The following RYR3 variants were observed in gnomAD, a reference collection of about 807,000 sequenced individuals.
RYR3 encodes brain ryanodine receptor-calcium release channel.
Under a neutral mutation model 584.3 loss-of-function variants are expected in RYR3, and 207 were observed. That is an observed-to-expected ratio of 0.35 (90% CI 0.32 to 0.40). RYR3 has a LOEUF of 0.40. Ranked by LOEUF, RYR3 falls within the 10% of genes least tolerant of loss-of-function variation. RYR3 has a pLI of 1.00. For missense variants in RYR3, 5,616 were observed against 6,089.2 expected (o/e 0.92, Z 2.59); for synonymous variants, 2,416 against 2,248.5 (o/e 1.07, Z -2.11).
chr15:33,699,728 A>G lies in RYR3; in HGVS notation c.6274A>G (p.Ser2092Gly). ...GATTGCATTTCCAAAGATGGTTGCT[A>G]GCTGCTGCCGTTTCCTTTGCTATTT... ...SQIAFPKMVA[S>G]CCRFLCYFCR... Residue 2092 changes from serine (S) to glycine (G), a missense_variant, in exon 41 of 104, where the codon AGC (serine) becomes GGC (glycine). Transcript: ENST00000634891. 1 of 1,613,784 alleles carries G rather than the reference A, an allele frequency of 6.2e-7. No individual in the cohort carries two copies. Among genetic ancestry groups the G allele is most frequent in the Non-Finnish European group, 8.5e-7 (1 of 1,179,794 alleles).
At position 33,865,324 on chromosome 15, in the gene RYR3, T is replaced by C; in HGVS notation, c.*98T>C. On this transcript the variant is annotated 3_prime_UTR_variant, in exon 104 of 104. Coordinates refer to ENST00000634891, the MANE Select transcript of RYR3 (RefSeq NM_001036.6). ...TGCAACATATCTGAAATGTGACATT[T>C]TCTAAATGCCTCCCTTAAAAAAAAA... 3.7e-6 allele frequency: 3 copies of C among 821,072 alleles called. No homozygotes were observed. The highest frequency in any genetic ancestry group is 5.8e-6 in the Non-Finnish European group (3 of 520,124). The allele number at this position is 821,072 out of a possible 1,614,324, so 50.9% of individuals were successfully genotyped here. A position where few individuals can be genotyped will look rare whatever the true frequency, so the allele number is the denominator to read the frequency against.
intron 1 of RYR3, among the ~76,000 whole-genome samples, chr15:33,344,146 C>T (rs543407446): frequency 6.6e-6 from 1 of 152,240 alleles, no homozygotes; most frequent in Non-Finnish European, 1.5e-5. Flanking sequence ...CTGTACTAGC[C>T]AAAGCAAATG....
rs1334035943 is a variant in RYR3, at chr15:33,755,128, G to A, written c.8463G>A (p.Leu2821=). The A allele has an allele frequency of 9.4e-5, 151 of 1,613,248 alleles. No homozygotes were observed. Among genetic ancestry groups the A allele is most frequent in the Non-Finnish European group, 1.3e-4 (149 of 1,179,658 alleles). Residue 2821 remains leucine (L), a synonymous_variant, in exon 58 of 104, where the codon TTG becomes TTA. Coordinates refer to ENST00000634891, the MANE Select transcript of RYR3 (RefSeq NM_001036.6). ...SMEKRFAYKF[L]KKILKYVDSA... is the part of the protein sequence containing the mutation. The stretch of plus-strand genomic sequence containing the variant: ...AGAAGAGGTTTGCCTATAAGTTCTT[G>A]AAGAAGATCCTGAAATACGTTGATT...
chr15:33,548,309 C>G, intron 9 of RYR3, 105 bp downstream of exon 9: 2 of 688,276 alleles, frequency 2.9e-6, no homozygotes, highest in Non-Finnish European at 5.0e-6. Context: ...CAAACTCCTT[C>G]AAGTCCTTTG....
chr15:33,523,448 C>T (rs908840723), intron 3 of RYR3, among the ~76,000 whole-genome samples: 1 of 152,166 alleles, frequency 6.6e-6, no homozygotes, highest in Non-Finnish European at 1.5e-5. Context: ...AAACTCTGGA[C>T]ACCCCACCTT....
intron 102 of RYR3, 29 bp downstream of exon 102, chr15:33,861,207 G>T: frequency 6.6e-7 from 1 of 1,507,812 alleles, no homozygotes; most frequent in Non-Finnish European, 9.1e-7. Context: ...CAAAAGTAAT[G>T]GCAGCTGTAG....
In RYR3 at chr15:33,770,187, A is replaced by G. The variant is rs144345475; in HGVS notation, c.8816+1015A>G. ...AGGAGGACACACCTCCTAAGACCCA[A>G]TGCAAAAGAGGTTACCAACCTAAAA... On this transcript the variant is annotated intron_variant, in intron 62 of 103. Coordinates refer to ENST00000634891, the MANE Select transcript of RYR3 (RefSeq NM_001036.6). 1.2e-3 allele frequency among the ~76,000 whole-genome samples: 179 copies of G among 152,162 alleles called. 3 individuals are homozygous for G. Among genetic ancestry groups the G allele is most frequent in the African/African-American group, 3.6e-3 (150 of 41,552 alleles).
chr15:33,733,617 A>G (rs2069149925), intron 48 of RYR3, among the ~76,000 whole-genome samples: 1 of 152,250 alleles, frequency 6.6e-6, no homozygotes, highest in Non-Finnish European at 1.5e-5. Flanking sequence ...CAGGCTGAGC[A>G]CAGAGAATTT....
intron 1 of RYR3, among the ~76,000 whole-genome samples, chr15:33,385,705 C>CTTTTTTTTTTTTTTTTTTTTTTTTTT (rs1567139235): frequency 1.3e-5 from 1 of 75,680 alleles, no homozygotes; most frequent in African/African-American, 5.4e-5. Flanking sequence ...TTTTCTTTTT[C>CTTTTTTTTTTTTTTTTTTTTTTTTTT]TTTTCTTTTT....
At chr15:33,841,795 T>C in intron 90 of RYR3, 69 bp from the exon 91 acceptor site, 1 of 1,480,738 alleles carries the variant, frequency 6.8e-7, no homozygotes, top group East Asian at 2.5e-5. Context: ...TTCTCTTTAA[T>C]CTAGTCTCCC....
At chr15:33,815,166 C>T (rs895393356) in intron 74 of RYR3, among the ~76,000 whole-genome samples, 1 of 151,916 alleles carries the variant, frequency 6.6e-6, no homozygotes, top group Admixed American at 6.6e-5. Flanking sequence ...GAGAATGAGG[C>T]ACCACCAAAT....
Position 33,415,715 on chromosome 15 carries a change from A to T in RYR3, c.52-57704A>T, listed in dbSNP as rs182572775. 2.3e-3 allele frequency among the ~76,000 whole-genome samples: 356 copies of T among 152,148 alleles called. 3 individuals carry two copies. The highest frequency in any genetic ancestry group is 0.012 in the East Asian group (61 of 5,172). On this transcript the variant is annotated intron_variant, in intron 1 of 103. Transcript: ENST00000634891. ...AAGACATAATTTATTTCCTTTTTTT[A>T]AAAAAATTTAGATTTGAGGGTACAT...
intron 12 of RYR3, among the ~76,000 whole-genome samples, chr15:33,575,046 T>C (rs1232941569): frequency 6.6e-6 from 1 of 152,086 alleles, no homozygotes; most frequent in Admixed American, 6.6e-5. Flanking sequence ...CATTACATAA[T>C]AATAAAGAGT....
At chr15:33,613,013 C>T (rs2060272736) in intron 18 of RYR3, among the ~76,000 whole-genome samples, 170 bp from the exon 19 acceptor site, 1 of 152,236 alleles carries the variant, frequency 6.6e-6, no homozygotes, top group African/African-American at 2.4e-5. Flanking sequence ...CATTGCTCAT[C>T]TCACACAAAA....
At chr15:33,837,526 T>A in intron 88 of RYR3, 105 bp from the exon 89 acceptor site, 1 of 1,248,802 alleles carries the variant, frequency 8.0e-7, no homozygotes, top group South Asian at 1.6e-5. Flanking sequence ...AGAGAAGAGC[T>A]GACTAATTTG....
Position 33,818,641 on chromosome 15 carries a change from C to T in RYR3, c.10663C>T (p.Gln3555Ter), listed in dbSNP as rs1199527580. The T allele has an allele frequency of 1.2e-6, 2 of 1,613,930 alleles. No individual in the cohort carries two copies. The stretch of plus-strand genomic sequence containing the variant: ...AGAAAAACAACCTGACCCACTACAT[C>T]AGATCATTCTCTATTTTAGCCGCAA... ...ETEKQPDPLH[Q>*]IILYFSRNAL... Residue 3555 changes from glutamine to a stop codon, truncating the protein, a stop_gained, in exon 76 of 104, where the codon CAG (glutamine) becomes TAG (stop). Transcript: ENST00000634891. LOFTEE classifies it high-confidence loss of function.
At chr15:33,684,150 G>C (rs1286262500) in intron 38 of RYR3, among the ~76,000 whole-genome samples, 2 of 152,244 alleles carry the variant, frequency 1.3e-5, no homozygotes, top group Non-Finnish European at 2.9e-5. Context: ...CCAGCACAGT[G>C]TTTGAGCTCT....
At chr15:33,595,736 G>T in intron 16 of RYR3, among the ~76,000 whole-genome samples, 1 of 152,094 alleles carries the variant, frequency 6.6e-6, no homozygotes, top group Non-Finnish European at 1.5e-5. Context: ...AGACCCAGGA[G>T]TTAGAGCCCT....
chr15:33,381,095 C>T (rs551176377), intron 1 of RYR3, among the ~76,000 whole-genome samples: 2 of 152,218 alleles, frequency 1.3e-5, no homozygotes, highest in South Asian at 2.1e-4. Context: ...ACTTTGAAAG[C>T]GTTCCCTGTT....
Sources: allele counts gnomAD v4.1 joint callset (sites outside exome capture counted in the v4.1 genomes callset), GRCh38; gene constraint gnomAD v4.1.1; transcripts MANE v1.5; gene names NCBI Gene and HGNC (gene_info 2026-07-23, HGNC 2026-07-21).